NUMB: variants seen among roughly 807,000 people sequenced by gnomAD.
NUMB encodes NUMB endocytic adaptor protein, also known as protein numb homolog.
In NUMB, 29 loss-of-function variants were observed where a neutral mutation model predicts 59.7. That is an observed-to-expected ratio of 0.49 (90% CI 0.36 to 0.66). NUMB has a LOEUF of 0.66. Among genes scored for constraint, NUMB ranks in the 30% least tolerant of loss-of-function variants. The pLI is 0.00. For synonymous variants in NUMB, 288 were observed against 288.2 expected, an observed-to-expected ratio of 1.00 and a Z score of 0.01; for missense variants, 723 against 822.0, an observed-to-expected ratio of 0.88 and a Z score of 1.47.
At chr14:73,309,243 A>T (rs2139881966) in intron 6 of NUMB, among the ~76,000 whole-genome samples, 1 of 152,260 alleles carries the variant, frequency 6.6e-6, no homozygotes, top group South Asian at 2.1e-4. Context: ...AAGAATATAA[A>T]TCATTCTACT....
chr14:73,423,598 G>C (rs570569740), intron 1 of NUMB, among the ~76,000 whole-genome samples: 3 of 151,226 alleles, frequency 2.0e-5, no homozygotes, highest in Non-Finnish European at 4.4e-5. Flanking sequence ...CCAAAATCAC[G>C]CCACTGCACT....
At chr14:73,445,993 CT>C (rs1355977019) in intron 1 of NUMB, among the ~76,000 whole-genome samples, 2 of 147,146 alleles carry the variant, frequency 1.4e-5, no homozygotes, top group Non-Finnish European at 3.0e-5. Flanking sequence ...TGCAAAATAA[CT>C]TTTTCTTTTT....
At chr14:73,368,067 G>A (rs1487913471) in intron 2 of NUMB, among the ~76,000 whole-genome samples, 2 of 151,884 alleles carry the variant, frequency 1.3e-5, no homozygotes, top group African/African-American at 4.8e-5. Context: ...AAGTTGGCTT[G>A]GAATTTGTTT....
At chr14:73,368,352 G>T (rs1299712476) in intron 2 of NUMB, among the ~76,000 whole-genome samples, 1 of 152,172 alleles carries the variant, frequency 6.6e-6, no homozygotes, top group African/African-American at 2.4e-5. Flanking sequence ...CGAGGCAAGT[G>T]GATCGCCTGA....
chr14:73,327,132 G>T (rs552401074), intron 4 of NUMB, among the ~76,000 whole-genome samples: 3 of 152,036 alleles, frequency 2.0e-5, no homozygotes, highest in African/African-American at 7.2e-5. Flanking sequence ...TCTTCCTCTG[G>T]CAGGGCTGAA....
intron 4 of NUMB, among the ~76,000 whole-genome samples, chr14:73,337,511 G>GT (rs1271061803): frequency 6.6e-6 from 1 of 151,952 alleles, no homozygotes; most frequent in Non-Finnish European, 1.5e-5. Context: ...TCAAAAAAAT[G>GT]TATCTATATC....
intron 4 of NUMB, among the ~76,000 whole-genome samples, chr14:73,343,428 C>T (rs539177188): frequency 2.6e-5 from 4 of 152,182 alleles, no homozygotes; most frequent in South Asian, 2.1e-4. Context: ...ATAGTAACTA[C>T]GGTTGACATT....
Position 73,335,742 on chromosome 14 carries a change from G to C in NUMB, c.127-12538C>G, listed in dbSNP as rs1168776954. Among the ~76,000 whole-genome samples, 6 of 152,234 alleles carry C rather than the reference G, an allele frequency of 3.9e-5. No individual in the cohort carries two copies. The East Asian group carries it at 1.2e-3, about 29-fold the overall frequency. On this transcript the variant is annotated intron_variant, in intron 4 of 12. Transcript: ENST00000555238. The stretch of plus-strand genomic sequence containing the variant: ...TCCATCACAAGAAATGCAGACCTCT[G>C]ATGTGAGAGACTCTATAGTCAGCAG...
chr14:73,306,931 C>T (rs1408181202), intron 6 of NUMB, among the ~76,000 whole-genome samples: 1 of 152,096 alleles, frequency 6.6e-6, no homozygotes, highest in Non-Finnish European at 1.5e-5. Flanking sequence ...GATCACTGTC[C>T]TCACAGAGCT....
At chr14:73,369,838 A>T (rs1409283806) in intron 2 of NUMB, among the ~76,000 whole-genome samples, 1 of 152,192 alleles carries the variant, frequency 6.6e-6, no homozygotes, top group African/African-American at 2.4e-5. Flanking sequence ...AAAACAGAAC[A>T]TTAGTAGCAT....
chr14:73,378,390 C>T (rs992603632), intron 2 of NUMB, among the ~76,000 whole-genome samples: 1 of 152,184 alleles, frequency 6.6e-6, no homozygotes, highest in Non-Finnish European at 1.5e-5. Context: ...CCAGCAATTA[C>T]ATTACTTGGT....
rs1418576170 is a variant in NUMB, at chr14:73,276,477, G to GA, written c.*100dup. The GA allele has an allele frequency of 4.6e-6, 4 of 875,770 alleles. No homozygotes were observed. The highest frequency in any genetic ancestry group is 2.7e-5 in the Admixed American group (1 of 37,238). The allele number at this position is 875,770 out of a possible 1,614,324, so 54.2% of individuals were successfully genotyped here. A position where few individuals can be genotyped will look rare whatever the true frequency, so the allele number is the denominator to read the frequency against. On this transcript the variant is annotated 3_prime_UTR_variant, in exon 13 of 13. Coordinates refer to ENST00000555238, the MANE Select transcript of NUMB (RefSeq NM_001005743.2). ...GTTCCTTGGGACCTTTGGGATTAGT[G>GA]AAAAGAGTACTAATCAGGAGACAAA...
intron 2 of NUMB, among the ~76,000 whole-genome samples, chr14:73,379,175 C>G (rs1415292833): frequency 2.6e-5 from 4 of 152,180 alleles, no homozygotes; most frequent in African/African-American, 9.7e-5. Flanking sequence ...AACTATCAAG[C>G]AACTCACATT....
chr14:73,337,186 A>G (rs1319709218), intron 4 of NUMB, among the ~76,000 whole-genome samples: 3 of 152,220 alleles, frequency 2.0e-5, no homozygotes, highest in Non-Finnish European at 2.9e-5. Context: ...AACTTTTGCT[A>G]AAGTTCAGTT....
intron 3 of NUMB, among the ~76,000 whole-genome samples, chr14:73,366,297 T>C (rs8015790): frequency 0.23 from 35,381 of 152,156 alleles, 5,086 homozygotes; most frequent in East Asian, 0.68. Context: ...AATGATATTC[T>C]TTAGATCTAA....
chr14:73,283,543 T>C (rs1364731618), intron 10 of NUMB, among the ~76,000 whole-genome samples: 1 of 152,236 alleles, frequency 6.6e-6, no homozygotes, highest in Non-Finnish European at 1.5e-5. Flanking sequence ...GAGACGGTTC[T>C]GAAAGGTAAT....
chr14:73,300,817 C>G (rs1021950623), intron 6 of NUMB, among the ~76,000 whole-genome samples: 1 of 152,056 alleles, frequency 6.6e-6, no homozygotes, highest in Non-Finnish European at 1.5e-5. Flanking sequence ...CCCCTCACCC[C>G]ACAACAGGCC....
intron 1 of NUMB, among the ~76,000 whole-genome samples, chr14:73,422,113 C>T (rs564895247): frequency 5.0e-4 from 75 of 151,302 alleles, no homozygotes; most frequent in African/African-American, 1.4e-3. Flanking sequence ...CACTACACCC[C>T]AGCCTGGACG....
intron 2 of NUMB, among the ~76,000 whole-genome samples, chr14:73,390,688 C>T (rs371157912): frequency 9.0e-6 from 1 of 110,960 alleles, no homozygotes; most frequent in Non-Finnish European, 1.7e-5. Context: ...CTTGCTCTGT[C>T]GCCCAGGCTG....
Sources: gnomAD v4.1 joint callset for allele counts (sites outside exome capture counted in the v4.1 genomes callset) on GRCh38, gnomAD v4.1.1 for gene constraint, MANE v1.5 for transcripts, NCBI Gene and HGNC (gene_info 2026-07-23, HGNC 2026-07-21) for gene names.